Variants in MCC observed in about 807,000 individuals in gnomAD.
The protein encoded by MCC is colorectal mutant cancer protein.
MCC carries 90 observed loss-of-function variants against 116.2 expected under a neutral mutation model. That is an observed-to-expected ratio of 0.77 (90% CI 0.65 to 0.92). The LOEUF is 0.92. MCC is among the 40% of genes least tolerant of loss of function. The pLI is 0.00. For missense variants in MCC, 1,516 were observed against 1,312.2 expected, an observed-to-expected ratio of 1.16 and a Z score of -2.40; for synonymous variants, 578 against 510.5, an observed-to-expected ratio of 1.13 and a Z score of -1.78.
intron 14 of MCC, among the ~76,000 whole-genome samples, chr5:113,057,273 C>T (rs937102098): frequency 4.6e-5 from 7 of 152,048 alleles, no homozygotes; most frequent in African/African-American, 1.7e-4. Context: ...GGGGTTTTAA[C>T]AGGGAGGGAT....
chr5:113,230,010 C>T (rs1194352456), intron 3 of MCC, among the ~76,000 whole-genome samples: 2 of 152,196 alleles, frequency 1.3e-5, no homozygotes, highest in East Asian at 3.8e-4. Context: ...CTACAATCTT[C>T]TCTCTAGCTA....
rs556054043 is a variant in MCC at position 113,173,610 on chromosome 5, T to C, written c.628-22188A>G. ...CAGTGTAATCATGTGCATGACTGAA[T>C]CCCATCTAATAACATGAGCACTCCA... On this transcript the variant is annotated intron_variant, in intron 3 of 18. Coordinates refer to ENST00000408903, the MANE Select transcript of MCC (RefSeq NM_001085377.2). 2.0e-4 allele frequency among the ~76,000 whole-genome samples: 30 copies of C among 152,342 alleles called. No individual in the cohort carries two copies. In the South Asian group the frequency reaches 6.2e-3, roughly 32 times the overall value.
chr5:113,242,240 G>C (rs1256748120), intron 3 of MCC, among the ~76,000 whole-genome samples: 1 of 152,184 alleles, frequency 6.6e-6, no homozygotes, highest in African/African-American at 2.4e-5. Flanking sequence ...TAGCTAGGCT[G>C]AAAGACTAAA....
intron 1 of MCC, among the ~76,000 whole-genome samples, chr5:113,405,885 A>G (rs900248515): frequency 2.6e-5 from 4 of 152,168 alleles, no homozygotes; most frequent in Admixed American, 2.0e-4. Context: ...AGTATTTAGC[A>G]TATGTTTACA....
intron 3 of MCC, among the ~76,000 whole-genome samples, chr5:113,339,083 G>T (rs1767938956): frequency 6.6e-6 from 1 of 151,664 alleles, no homozygotes; most frequent in African/African-American, 2.4e-5. Context: ...ACAAAAATTA[G>T]CCAGGTGTGG....
chr5:113,057,410 G>C (rs1014819416), intron 14 of MCC, among the ~76,000 whole-genome samples: 8 of 152,140 alleles, frequency 5.3e-5, no homozygotes, highest in African/African-American at 1.9e-4. Context: ...AGAGATGGTA[G>C]CAGCTTGGAG....
At chr5:113,445,535 C>A (rs1383679423) in intron 1 of MCC, among the ~76,000 whole-genome samples, 1 of 152,008 alleles carries the variant, frequency 6.6e-6, no homozygotes, top group Admixed American at 6.6e-5. Context: ...ATACATCTAA[C>A]CAAGAAGATG....
chr5:113,475,116 T>A (rs1772203423), intron 1 of MCC, among the ~76,000 whole-genome samples: 2 of 152,196 alleles, frequency 1.3e-5, no homozygotes, highest in Non-Finnish European at 2.9e-5. Context: ...CCTGTGGATG[T>A]TTTAAATAAT....
intron 5 of MCC, among the ~76,000 whole-genome samples, chr5:113,124,528 T>C (rs560422873): frequency 8.5e-5 from 13 of 152,360 alleles, no homozygotes; most frequent in African/African-American, 2.9e-4. Flanking sequence ...GTAAAATCTT[T>C]AATAGCCACC....
intron 1 of MCC, among the ~76,000 whole-genome samples, chr5:113,456,181 A>C (rs2150422630): frequency 6.6e-6 from 1 of 152,294 alleles, no homozygotes; most frequent in Non-Finnish European, 1.5e-5. Context: ...GCTAAGCCTA[A>C]CCTATTTATG....
chr5:113,104,530 AG>A (rs1425363427), intron 6 of MCC, 175 bp from the exon 7 acceptor site: 11 of 466,580 alleles, frequency 2.4e-5, no homozygotes, highest in African/African-American at 1.4e-4. Flanking sequence ...GCCAATGCAA[AG>A]CTCTTTTTAT....
At chr5:113,032,789 C>A (rs549471059) in intron 17 of MCC, among the ~76,000 whole-genome samples, 1 of 152,294 alleles carries the variant, frequency 6.6e-6, no homozygotes, top group Non-Finnish European at 1.5e-5. Flanking sequence ...TAAAACATTG[C>A]AGTAAAGAAG....
chr5:113,099,493 T>C (rs1756261758), intron 8 of MCC, among the ~76,000 whole-genome samples: 1 of 152,232 alleles, frequency 6.6e-6, no homozygotes, highest in Non-Finnish European at 1.5e-5. Context: ...CTACTACTAA[T>C]TTTTTGAGCA....
chr5:113,223,192 T>C (rs933660486), intron 3 of MCC, among the ~76,000 whole-genome samples: 1 of 152,224 alleles, frequency 6.6e-6, no homozygotes, highest in Non-Finnish European at 1.5e-5. Flanking sequence ...AGATTTATCA[T>C]GCAACGTCTC....
chr5:113,408,914 A>G (rs1407848539), intron 1 of MCC, among the ~76,000 whole-genome samples: 1 of 152,188 alleles, frequency 6.6e-6, no homozygotes, highest in Non-Finnish European at 1.5e-5. Flanking sequence ...ATATAAGGCT[A>G]CAGACTAAGT....
chr5:113,064,088 G>C lies in MCC; in HGVS notation c.2109C>G (p.Ala703=), dbSNP rs771511837. The change falls in exon 14 of 19, where the codon GCC becomes GCG. Residue 703 remains alanine, a synonymous_variant. Coordinates refer to ENST00000408903, the MANE Select transcript of MCC (RefSeq NM_001085377.2). ...HDCRKTAENA[A]KALLMKLDGS... ...CGTCCAGCTTCATGAGCAGGGCCTT[G>C]GCAGCGTTCTCAGCTGTCTTCCGGC... The C allele has an allele frequency of 2.5e-6, 4 of 1,614,222 alleles. No homozygotes were observed. Among genetic ancestry groups the C allele is most frequent in the Middle Eastern group, 1.7e-4 (1 of 6,052 alleles).
intron 2 of MCC, among the ~76,000 whole-genome samples, chr5:113,343,580 A>C (rs752684503): frequency 1.3e-5 from 2 of 152,200 alleles, no homozygotes; most frequent in Non-Finnish European, 2.9e-5. Flanking sequence ...AGACGGACTT[A>C]TATCTCATAC....
intron 5 of MCC, among the ~76,000 whole-genome samples, chr5:113,124,334 A>G (rs1401481611): frequency 6.6e-6 from 1 of 152,232 alleles, no homozygotes; most frequent in African/African-American, 2.4e-5. Context: ...TGATAGATAC[A>G]TTAGCTCTCC....
chr5:113,478,054 C>G (rs570753801), intron 1 of MCC, among the ~76,000 whole-genome samples: 1 of 152,128 alleles, frequency 6.6e-6, no homozygotes, highest in Non-Finnish European at 1.5e-5. Flanking sequence ...GTGAAAAATA[C>G]AGTACGAATA....
Sources: allele counts gnomAD v4.1 joint callset (sites outside exome capture counted in the v4.1 genomes callset), GRCh38; gene constraint gnomAD v4.1.1; transcripts MANE v1.5; gene names NCBI Gene and HGNC (gene_info 2026-07-23, HGNC 2026-07-21).